The following TEKT4 variants were observed in gnomAD, a reference collection of about 807,000 sequenced individuals.
TEKT4 encodes tektin 4, also known as tektin-4.
A neutral mutation model predicts 46.0 loss-of-function variants in TEKT4; 46 were observed. The ratio of observed to expected loss-of-function variants is 1.00; its 90% CI spans 0.79 to 1.28. TEKT4 has a LOEUF of 1.28. TEKT4 is among the 50% of genes most tolerant of loss of function. The pLI is 0.00. For synonymous variants in TEKT4, 325 were observed against 265.8 expected, an observed-to-expected ratio of 1.22 and a Z score of -2.17; for missense variants, 790 against 622.9, an observed-to-expected ratio of 1.27 and a Z score of -2.85.
At position 94,871,755 on chromosome 2, in the gene TEKT4, G is replaced by T. The variant is rs1553394530; in HGVS notation, c.176G>T (p.Arg59Leu). ...YARYHQAFAD[R>L]DQSERQRHES... is the part of the protein sequence containing the mutation. Reference sequence around the variant, plus strand: ...CGCTACCACCAGGCCTTCGCCGACCGCGACCAGTCGGAGCGGCAGCGGCAC... The same window carrying T: ...CGCTACCACCAGGCCTTCGCCGACCTCGACCAGTCGGAGCGGCAGCGGCAC... Residue 59 changes from arginine to leucine, a missense_variant, in exon 1 of 6, where the codon CGC becomes CTC. Transcript: ENST00000295201. 4 of 1,612,486 alleles carry T rather than the reference G, an allele frequency of 2.5e-6. No individual in the cohort carries two copies. Among genetic ancestry groups the T allele is most frequent in the Admixed American group, 3.3e-5 (2 of 60,002 alleles).
At chr2:94,872,379 T>G (rs1680617260) in intron 1 of TEKT4, 2 of 491,958 alleles carry the variant, frequency 4.1e-6, no homozygotes, top group African/African-American at 1.9e-5. Flanking sequence ...CCAGAGACCC[T>G]CCCTCGCTGG....
intron 1 of TEKT4, chr2:94,873,114 C>T: frequency 8.1e-7 from 1 of 1,239,330 alleles, no homozygotes; most frequent in Non-Finnish European, 1.0e-6. Context: ...GATGGCCTTT[C>T]CCAGCACAGA....
Position 94,874,989 on chromosome 2 carries a change from C to T in TEKT4, c.927C>T (p.His309=), listed in dbSNP as rs782571829. ...LEDARYKLHH[H]LHKTLREITD... is the part of the protein sequence containing the mutation. Reference sequence around the variant, plus strand: ...ACGCGCGGTACAAGCTGCATCACCACCTGCACAAGGTGGGGCACCCTGAAC... The same window carrying T: ...ACGCGCGGTACAAGCTGCATCACCATCTGCACAAGGTGGGGCACCCTGAAC... The change falls in exon 4 of 6, where the codon CAC becomes CAT. Residue 309 remains histidine (H), a synonymous_variant. Transcript: ENST00000295201. 6 of 1,603,736 alleles carry T rather than the reference C, an allele frequency of 3.7e-6. No individual in the cohort carries two copies. Among genetic ancestry groups the T allele is most frequent in the Non-Finnish European group, 4.3e-6 (5 of 1,176,218 alleles).
chr2:94,876,438 A>C (rs113850475), intron 5 of TEKT4, 115 bp from the exon 6 acceptor site: 1 of 817,226 alleles, frequency 1.2e-6, no homozygotes, highest in Admixed American at 2.4e-5. Flanking sequence ...TCTTTCATGG[A>C]GTCTTCCCAG....
Position 94,872,090 on chromosome 2 carries a change from T to C in TEKT4, c.498+13T>C. ...GGAGCTGCTGAAGGTGCCAGCACCC[T>C]TGGGTGGCCGGGATTTGTGGGCGCA... On this transcript the variant is annotated intron_variant, in intron 1 of 5. Transcript: ENST00000295201. The C allele has an allele frequency of 6.6e-7, 1 of 1,524,702 alleles. No homozygotes were observed. Among genetic ancestry groups the C allele is most frequent in the Non-Finnish European group, 8.8e-7 (1 of 1,135,886 alleles). The allele number at this position is 1,524,702 out of a possible 1,614,324, so 94.4% of individuals were successfully genotyped here.
intron 1 of TEKT4, chr2:94,873,299 G>A: frequency 3.6e-6 from 5 of 1,404,202 alleles, no homozygotes; most frequent in Non-Finnish European, 4.6e-6. Flanking sequence ...GCAGCCCACA[G>A]AAGGCCCTGG....
chr2:94,871,485 C>T lies in TEKT4; in HGVS notation c.-95C>T. 5 of 1,419,300 alleles carry T rather than the reference C, an allele frequency of 3.5e-6. No individual in the cohort carries two copies. The highest frequency in any genetic ancestry group is 4.6e-6 in the Non-Finnish European group (5 of 1,077,716). The allele number at this position is 1,419,300 out of a possible 1,614,324, so 87.9% of individuals were successfully genotyped here. The stretch of plus-strand genomic sequence containing the variant: ...AGCCGCGTCCTGCTCTGGGACTGAG[C>T]CGTTGGAGCTGCCCCGCTGACCGCA... On this transcript the variant is annotated 5_prime_UTR_variant, in exon 1 of 6. Coordinates refer to ENST00000295201, the MANE Select transcript of TEKT4 (RefSeq NM_144705.4).
Position 94,871,832 on chromosome 2 carries a change from CAA to C in TEKT4, c.254_255del (p.Gln85ArgfsTer23). The C allele has an allele frequency of 6.2e-7, 1 of 1,607,920 alleles. No individual in the cohort carries two copies. Among genetic ancestry groups the C allele is most frequent in the Non-Finnish European group, 8.5e-7 (1 of 1,178,132 alleles). ...ETQALAQRTQ[Q>X]DSTRTVGERL... Reference sequence around the variant, plus strand: ...CCAGGCGCTGGCGCAGCGCACGCAGCAAGACTCCACGCGCACAGTGGGCGAGC... The same window carrying C: ...CCAGGCGCTGGCGCAGCGCACGCAGCGACTCCACGCGCACAGTGGGCGAGC... On this transcript the variant is annotated frameshift_variant, in exon 1 of 6. Transcript: ENST00000295201. LOFTEE classifies it high-confidence loss of function.
rs1433985849 is a variant in TEKT4, at chr2:94,875,827, C to T, written c.1091+85C>T. The T allele has an allele frequency of 3.6e-5, 49 of 1,377,140 alleles. No individual in the cohort carries two copies. In the African/African-American group the frequency reaches 4.2e-4, roughly 12 times the overall value. The allele number at this position is 1,377,140 out of a possible 1,614,324, so 85.3% of individuals were successfully genotyped here. On this transcript the variant is annotated intron_variant, in intron 5 of 5. Coordinates refer to ENST00000295201, the MANE Select transcript of TEKT4 (RefSeq NM_144705.4). ...CTCTCCAATAAACACTCCAACACCC[C>T]GCACACACATCCCCCGCAGGTGCTG... is the stretch of plus-strand genomic sequence containing the variant.
At chr2:94,875,909 A>G (rs1680829011) in intron 5 of TEKT4, among the ~76,000 whole-genome samples, 167 bp downstream of exon 5, 1 of 152,188 alleles carries the variant, frequency 6.6e-6, no homozygotes, top group Non-Finnish European at 1.5e-5. Flanking sequence ...TTAAACACAC[A>G]GACATACACA....
chr2:94,873,238 G>T (rs569562728), intron 1 of TEKT4: 3 of 1,306,872 alleles, frequency 2.3e-6, no homozygotes, highest in Non-Finnish European at 9.8e-7. Flanking sequence ...GAGCAGCAGC[G>T]ATGACTCCTG....
chr2:94,874,298 C>T (rs1393178585), intron 3 of TEKT4, among the ~76,000 whole-genome samples, 190 bp downstream of exon 3: 2 of 152,212 alleles, frequency 1.3e-5, no homozygotes, highest in Non-Finnish European at 2.9e-5. Context: ...CGTGCACAGC[C>T]TGGCTGCCGG....
chr2:94,873,502 G>C lies in TEKT4; in HGVS notation c.499-18G>C, dbSNP rs782207541. ...CACCAGGGACTGGCTCTGGTGCTCA[G>C]GGCGTCTCCTCCCTCAGGAAGCCGA... On this transcript the variant is annotated intron_variant, in intron 1 of 5. Transcript: ENST00000295201. The C allele has an allele frequency of 1.2e-6, 2 of 1,612,070 alleles. No individual in the cohort carries two copies. The highest frequency in any genetic ancestry group is 8.5e-7 in the Non-Finnish European group (1 of 1,179,970).
intron 3 of TEKT4, 129 bp from the exon 4 acceptor site, chr2:94,874,647 T>TG (rs1553395744): frequency 1.2e-6 from 1 of 833,056 alleles, no homozygotes; most frequent in African/African-American, 1.7e-5. Context: ...TGGGGCAGCA[T>TG]GGGGTGCATC....
chr2:94,873,687 G>A lies in TEKT4; in HGVS notation c.569+97G>A. The A allele has an allele frequency of 9.3e-6, 14 of 1,511,166 alleles. No homozygotes were observed. In the South Asian group the frequency reaches 1.1e-4, roughly 12 times the overall value. The allele number at this position is 1,511,166 out of a possible 1,614,324, so 93.6% of individuals were successfully genotyped here. A position where few individuals can be genotyped will look rare whatever the true frequency, so the allele number is the denominator to read the frequency against. The stretch of plus-strand genomic sequence containing the variant: ...GACAGGACCCTGAGACTCAGAGCCA[G>A]CAGGGGCTGCCCCAGGTCACAGTGG... On this transcript the variant is annotated intron_variant, in intron 2 of 5. Coordinates refer to ENST00000295201, the MANE Select transcript of TEKT4 (RefSeq NM_144705.4).
Position 94,876,789 on chromosome 2 carries a change from C to T in TEKT4, c.*20C>T, listed in dbSNP as rs781954913. 6.3e-6 allele frequency: 10 copies of T among 1,595,852 alleles called. No individual in the cohort carries two copies. In the East Asian group the frequency reaches 2.0e-4, roughly 32 times the overall value. On this transcript the variant is annotated 3_prime_UTR_variant, in exon 6 of 6. Coordinates refer to ENST00000295201, the MANE Select transcript of TEKT4 (RefSeq NM_144705.4). ...CAGTGAGCAGCGGCACGGTGCTTCCCCCCAGTCCCCCAAATAAACAGCGCG... is the reference window on the plus strand; with the variant it reads ...CAGTGAGCAGCGGCACGGTGCTTCCTCCCAGTCCCCCAAATAAACAGCGCG...
At chr2:94,873,849 A>C (rs1680694606) in intron 2 of TEKT4, 116 bp from the exon 3 acceptor site, 1 of 1,436,364 alleles carries the variant, frequency 7.0e-7, no homozygotes, top group African/African-American at 1.4e-5. Context: ...TGCCCGGGAC[A>C]GGCCCACCCA....
rs782561897 is a variant in TEKT4 at position 94,871,844 on chromosome 2, C to A, written c.265C>A (p.Arg89Ser). ...GCAGCGCACGCAGCAAGACTCCACG[C>A]GCACAGTGGGCGAGCGACTGCAGGA... ...LAQRTQQDST[R>S]TVGERLQDTH... Residue 89 changes from arginine to serine, a missense_variant, in exon 1 of 6, where the codon CGC becomes AGC. Transcript: ENST00000295201. 2.5e-6 allele frequency: 4 copies of A among 1,606,546 alleles called. No individual in the cohort carries two copies. Among genetic ancestry groups the A allele is most frequent in the Non-Finnish European group, 3.4e-6 (4 of 1,177,786 alleles).
In TEKT4 at chr2:94,872,094, G is replaced by C. The variant is rs1427885115; in HGVS notation, c.498+17G>C. The C allele has an allele frequency of 2.6e-6, 4 of 1,524,590 alleles. No individual in the cohort carries two copies. In the African/African-American group the frequency reaches 4.1e-5, roughly 16 times the overall value. The allele number at this position is 1,524,590 out of a possible 1,614,324, so 94.4% of individuals were successfully genotyped here. On this transcript the variant is annotated intron_variant, in intron 1 of 5. Transcript: ENST00000295201. ...CTGCTGAAGGTGCCAGCACCCTTGG[G>C]TGGCCGGGATTTGTGGGCGCAGAGA... is the stretch of plus-strand genomic sequence containing the variant.
Sources: allele counts gnomAD v4.1 joint callset (sites outside exome capture counted in the v4.1 genomes callset), GRCh38; gene constraint gnomAD v4.1.1; transcripts MANE v1.5; gene names NCBI Gene and HGNC (gene_info 2026-07-23, HGNC 2026-07-21).